ZNF236: variants seen among roughly 807,000 people sequenced by gnomAD.
ZNF236 encodes the protein regulated by glucose.
ZNF236 carries 50 observed loss-of-function variants against 191.2 expected under a neutral mutation model. The ratio of observed to expected loss-of-function variants is 0.26; its 90% CI spans 0.21 to 0.33. The LOEUF is 0.33. Among genes scored for constraint, ZNF236 ranks in the 10% least tolerant of loss-of-function variants. The pLI is 1.00. For missense variants in ZNF236, 1,754 were observed against 2,374.5 expected, an observed-to-expected ratio of 0.74 and a Z score of 5.43; for synonymous variants, 907 against 928.8, an observed-to-expected ratio of 0.98 and a Z score of 0.43.
intron 11 of ZNF236, among the ~76,000 whole-genome samples, chr18:76,901,872 G>C (rs1977604292): frequency 6.6e-6 from 1 of 152,182 alleles, no homozygotes; most frequent in Admixed American, 6.6e-5. Context: ...AAACCCCCAT[G>C]GTAGCGTAGA....
chr18:76,891,477 A>G (rs1568215201), intron 9 of ZNF236, among the ~76,000 whole-genome samples: 1 of 151,962 alleles, frequency 6.6e-6, no homozygotes, highest in Non-Finnish European at 1.5e-5. Flanking sequence ...GGCTCAAGTG[A>G]TCCTACTGCT....
chr18:76,908,454 C>A lies in ZNF236; in HGVS notation c.2432C>A (p.Ala811Glu). 1 of 1,614,102 alleles carries A rather than the reference C, an allele frequency of 6.2e-7. No homozygotes were observed. Among genetic ancestry groups the A allele is most frequent in the Non-Finnish European group, 8.5e-7 (1 of 1,180,032 alleles). ...EIESDELPQT[A>E]EVVAANPEAM... ...GAGAGCGACGAGCTGCCGCAGACGGCAGAGGTGGTCGCAGCGAACCCCGAG... is the reference window on the plus strand; with the variant it reads ...GAGAGCGACGAGCTGCCGCAGACGGAAGAGGTGGTCGCAGCGAACCCCGAG... The change falls in exon 14 of 31, where the codon GCA (alanine) becomes GAA (glutamate). Residue 811 changes from alanine to glutamate, a missense_variant. This residue lies in a region of ZNF236 where 641 missense variants were observed against 869.6 expected (regional missense o/e 0.74). Transcript: ENST00000320610.
At chr18:76,845,194 A>AT (rs1313943039) in intron 1 of ZNF236, among the ~76,000 whole-genome samples, 1 of 152,174 alleles carries the variant, frequency 6.6e-6, no homozygotes, top group Non-Finnish European at 1.5e-5. Context: ...TTTTTGTTTA[A>AT]TTTTGATAGT....
chr18:76,896,253 C>T (rs1311538590), intron 10 of ZNF236, among the ~76,000 whole-genome samples: 1 of 151,540 alleles, frequency 6.6e-6, no homozygotes, highest in East Asian at 1.9e-4. Flanking sequence ...GTACTAAATA[C>T]AGGTACTGCA....
chr18:76,966,812 G>T (rs1395734950), intron 30 of ZNF236, among the ~76,000 whole-genome samples: 1 of 152,204 alleles, frequency 6.6e-6, no homozygotes, highest in Non-Finnish European at 1.5e-5. Flanking sequence ...GAATCTAGCA[G>T]TGGCATCCAT....
chr18:76,917,699 T>C (rs1254175276), intron 19 of ZNF236, among the ~76,000 whole-genome samples: 1 of 152,202 alleles, frequency 6.6e-6, no homozygotes, highest in Non-Finnish European at 1.5e-5. Context: ...GTTCTCTGTC[T>C]CCAGTCTGTG....
chr18:76,916,733 G>C (rs113182763), intron 19 of ZNF236, among the ~76,000 whole-genome samples: 2,947 of 152,320 alleles, frequency 0.019, 71 homozygotes, highest in African/African-American at 0.058. Flanking sequence ...CGGCTGGTCT[G>C]AGTGTATGTG....
chr18:76,886,229 C>T (rs1977051697), intron 9 of ZNF236: 1 of 152,220 alleles, frequency 6.6e-6, no homozygotes. Context: ...AGAATATCCT[C>T]AGTGAAAGGA....
chr18:76,913,675 C>T lies in ZNF236; in HGVS notation c.2910-72C>T. 5 of 1,523,926 alleles carry T rather than the reference C, an allele frequency of 3.3e-6. No individual in the cohort carries two copies. The South Asian group carries it at 4.9e-5, about 15-fold the overall frequency. The allele number at this position is 1,523,926 out of a possible 1,614,324, so 94.4% of individuals were successfully genotyped here. A position where few individuals can be genotyped will look rare whatever the true frequency, so the allele number is the denominator to read the frequency against. On this transcript the variant is annotated intron_variant, in intron 17 of 30. Transcript: ENST00000320610. ...TGGTGAAGCTTGTTTGCTTTTCTTC[C>T]CTTTTCAGGTGCTGTATTTGTAATT...
At chr18:76,909,127 G>A (rs1967145744) in intron 14 of ZNF236, among the ~76,000 whole-genome samples, 1 of 151,956 alleles carries the variant, frequency 6.6e-6, no homozygotes, top group Admixed American at 6.6e-5. Context: ...AGACCAGCCT[G>A]GCTATGGTGA....
At chr18:76,832,745 C>CAT (rs1277367040) in intron 1 of ZNF236, among the ~76,000 whole-genome samples, 8 of 152,020 alleles carry the variant, frequency 5.3e-5, no homozygotes, top group South Asian at 4.1e-4. Flanking sequence ...TTTGAATCAG[C>CAT]ATATAAGTTT....
intron 12 of ZNF236, among the ~76,000 whole-genome samples, 198 bp from the exon 13 acceptor site, chr18:76,904,957 G>A (rs1018318566): frequency 2.6e-5 from 4 of 152,298 alleles, no homozygotes; most frequent in East Asian, 1.9e-4. Flanking sequence ...CATCTCAGTC[G>A]TGTGACTTGA....
intron 20 of ZNF236, among the ~76,000 whole-genome samples, chr18:76,922,612 A>G (rs1308136417): frequency 6.7e-6 from 1 of 150,186 alleles, no homozygotes; most frequent in Non-Finnish European, 1.5e-5. Context: ...GCTGGAGTGC[A>G]GTGGTGTGAT....
Position 76,836,283 on chromosome 18 carries a change from C to T in ZNF236, c.56-13243C>T, listed in dbSNP as rs532117791. Among the ~76,000 whole-genome samples the T allele has an allele frequency of 1.6e-3, 246 of 151,942 alleles. 3 individuals carry two copies. Among genetic ancestry groups the T allele is most frequent in the African/African-American group, 5.6e-3 (231 of 41,440 alleles). ...TTGCCCAGGCTGGAGTGCAGTGGTG[C>T]GAGCATAGCTCACTGCAGCCCCAAA... On this transcript the variant is annotated intron_variant, in intron 1 of 30. Transcript: ENST00000320610.
Position 76,869,983 on chromosome 18 carries a change from G to A in ZNF236, c.542+1120G>A, listed in dbSNP as rs78141019. Among the ~76,000 whole-genome samples the A allele has an allele frequency of 4.6e-3, 699 of 152,216 alleles. 4 individuals carry two copies. Among genetic ancestry groups the A allele is most frequent in the African/African-American group, 0.015 (635 of 41,558 alleles). ...AAAAAAATAAAATAAAATAAAGGCA[G>A]TATCAATTATCATTTTAACTACTAT... On this transcript the variant is annotated intron_variant, in intron 4 of 30. Transcript: ENST00000320610.
chr18:76,911,599 C>T (rs1238949544), intron 16 of ZNF236, among the ~76,000 whole-genome samples: 6 of 152,188 alleles, frequency 3.9e-5, no homozygotes, highest in Non-Finnish European at 7.3e-5. Flanking sequence ...CTTATAGCAA[C>T]GTGCACTTGC....
chr18:76,961,176 G>A (rs1968658311), intron 30 of ZNF236, among the ~76,000 whole-genome samples: 2 of 151,588 alleles, frequency 1.3e-5, no homozygotes, highest in Admixed American at 6.6e-5. Context: ...TTCCCCCCGA[G>A]TCCCCAAAGT....
At chr18:76,890,083 G>A (rs755223968) in intron 9 of ZNF236, among the ~76,000 whole-genome samples, 2 of 152,274 alleles carry the variant, frequency 1.3e-5, no homozygotes, top group South Asian at 2.1e-4. Context: ...ACACATGTAC[G>A]TTTATCTGTA....
rs757792488 is a variant in ZNF236 at position 76,910,708 on chromosome 18, T to C, written c.2702T>C (p.Val901Ala). 6.2e-7 allele frequency: 1 copy of C among 1,614,114 alleles called. No individual in the cohort carries two copies. The highest frequency in any genetic ancestry group is 8.5e-7 in the Non-Finnish European group (1 of 1,180,044). The change falls in exon 16 of 31, where the codon GTC (valine) becomes GCC (alanine). Residue 901 changes from valine (V) to alanine (A), a missense_variant. Val to Ala is a moderately conservative substitution (Grantham distance 64). This residue lies in a region of ZNF236 where 641 missense variants were observed against 869.6 expected (regional missense o/e 0.74). Coordinates refer to ENST00000320610, the MANE Select transcript of ZNF236 (RefSeq NM_001306089.2). ...TYHQQPQFPP[V>A]QQLQDSSTLE... ...CATCAGCAGCCTCAGTTTCCACCTGTCCAACAGCTACAGGATTCCAGCACA... is the reference window on the plus strand; with the variant it reads ...CATCAGCAGCCTCAGTTTCCACCTGCCCAACAGCTACAGGATTCCAGCACA...
Sources: allele counts gnomAD v4.1 joint callset (sites outside exome capture counted in the v4.1 genomes callset), GRCh38; gene constraint gnomAD v4.1.1; regional missense constraint gnomAD v4.1.1; transcripts MANE v1.5; gene names NCBI Gene and HGNC (gene_info 2026-07-23, HGNC 2026-07-21).